Variants in SPOCK2 observed in about 807,000 individuals in gnomAD.
SPOCK2 encodes the protein testican-2.
A neutral mutation model predicts 60.1 loss-of-function variants in SPOCK2; 39 were observed. The observed-to-expected ratio is 0.65, with a 90% CI of 0.50 to 0.85. The LOEUF (loss-of-function observed/expected upper bound fraction) is 0.85. SPOCK2 is among the 40% of genes least tolerant of loss of function. SPOCK2 has a pLI of 0.00. For synonymous variants in SPOCK2, 217 were observed against 231.5 expected, an observed-to-expected ratio of 0.94 and a Z score of 0.57; for missense variants, 523 against 567.4, an observed-to-expected ratio of 0.92 and a Z score of 0.80.
rs745785470 is a variant in SPOCK2 at position 72,062,780 on chromosome 10, C to T, written c.1255G>A (p.Asp419Asn). 18 of 1,607,422 alleles carry T rather than the reference C, an allele frequency of 1.1e-5. No individual in the cohort carries two copies. The highest frequency in any genetic ancestry group is 6.7e-5 in the Admixed American group (4 of 59,534). ...GGCGTCTACCAGATGTAGCCCCCGT[C>T]GTCAGCCTCGCCTGCCTCGCCCTCC... Reference protein sequence around the residue: ...EEEGEAGEADDGGYIW With the variant: ...EEEGEAGEADNGGYIW The change falls in exon 11 of 11, where the codon GAC becomes AAC. Residue 419 changes from aspartate (D) to asparagine (N), a missense_variant. By Grantham distance (23) the Asp-to-Asn change is conservative (BLOSUM62 1). Transcript: ENST00000373109. This position sits in a 1 kb window ranked among gnomAD's most constrained non-coding sequence, Gnocchi z 4.3.
chr10:72,082,994 C>T (rs1840807144), intron 1 of SPOCK2, among the ~76,000 whole-genome samples: 1 of 151,932 alleles, frequency 6.6e-6, no homozygotes, highest in African/African-American at 2.4e-5. Flanking sequence ...GACTTCCTGG[C>T]CTCCAGAACT....
At chr10:72,086,479 A>G (rs986522103) in intron 1 of SPOCK2, 1 of 1,066,228 alleles carries the variant, frequency 9.4e-7, no homozygotes, top group African/African-American at 1.7e-5. Context: ...GGCAGATCAA[A>G]CAGCCAGCGA....
In SPOCK2 at chr10:72,088,385, C is replaced by T. The variant is rs747838309; in HGVS notation, c.-57G>A. ...ACTTCTGCAGTATTTTAATGTCCTT[C>T]CTCCCACCCCGCTGCTGGCGAAGCG... On this transcript the variant is annotated 5_prime_UTR_variant, in exon 1 of 11. Coordinates refer to ENST00000373109, the MANE Select transcript of SPOCK2 (RefSeq NM_001244950.2). 2 of 1,445,242 alleles carry T rather than the reference C, an allele frequency of 1.4e-6. No individual in the cohort carries two copies. The highest frequency in any genetic ancestry group is 1.8e-6 in the Non-Finnish European group (2 of 1,099,624). The allele number at this position is 1,445,242 out of a possible 1,614,324, so 89.5% of individuals were successfully genotyped here. A position where few individuals can be genotyped will look rare whatever the true frequency, so the allele number is the denominator to read the frequency against.
chr10:72,084,690 A>G (rs1337032971), intron 1 of SPOCK2, among the ~76,000 whole-genome samples: 1 of 152,220 alleles, frequency 6.6e-6, no homozygotes, highest in African/African-American at 2.4e-5. Flanking sequence ...CTTGGATTCA[A>G]ATCTCAGCTC....
Position 72,063,755 on chromosome 10 carries a change from G to T in SPOCK2, c.991+423C>A, listed in dbSNP as rs76303521. ...AGGGAGTGCATCCTTCTTGCCATCCGCTCAGAGTTGGGCTGGGTCTATTGC... is the reference window on the plus strand; with the variant it reads ...AGGGAGTGCATCCTTCTTGCCATCCTCTCAGAGTTGGGCTGGGTCTATTGC... On this transcript the variant is annotated intron_variant, in intron 9 of 10. Coordinates refer to ENST00000373109, the MANE Select transcript of SPOCK2 (RefSeq NM_001244950.2). Among the ~76,000 whole-genome samples the T allele has an allele frequency of 3.5e-3, 529 of 152,300 alleles. 18 individuals are homozygous for T. In the East Asian group the frequency reaches 0.09, roughly 26 times the overall value.
intron 5 of SPOCK2, 50 bp downstream of exon 5, chr10:72,070,262 T>C: frequency 1.3e-6 from 2 of 1,578,688 alleles, no homozygotes; most frequent in Non-Finnish European, 1.7e-6. Flanking sequence ...CTGCTTCCTG[T>C]GGCCTCAGGT....
chr10:72,082,971 C>T (rs1447673334), intron 1 of SPOCK2, among the ~76,000 whole-genome samples: 4 of 151,900 alleles, frequency 2.6e-5, no homozygotes, highest in Admixed American at 6.6e-5. Flanking sequence ...AGTCTGCCAG[C>T]GTCCTGATCT....
At chr10:72,074,094 T>C (rs937750940) in intron 1 of SPOCK2, among the ~76,000 whole-genome samples, 1 of 151,634 alleles carries the variant, frequency 6.6e-6, no homozygotes. Context: ...GGAGCAGAGA[T>C]GTGTAGGGGT....
Position 72,088,476 on chromosome 10 carries a change from G to A in SPOCK2, c.-148C>T. The A allele has an allele frequency of 1.1e-6, 1 of 904,716 alleles. No homozygotes were observed. The highest frequency in any genetic ancestry group is 1.6e-6 in the Non-Finnish European group (1 of 618,052). 56.0% of individuals were successfully genotyped at this position (904,716 alleles called of 1,614,324 possible). On this transcript the variant is annotated 5_prime_UTR_variant, in exon 1 of 11. Coordinates refer to ENST00000373109, the MANE Select transcript of SPOCK2 (RefSeq NM_001244950.2). ...GGTGACTGGCGGAGAGTGGGTCGCG[G>A]CTGAAATGTGACCTGGTTAGGAGAT... is the stretch of plus-strand genomic sequence containing the variant.
In SPOCK2 at chr10:72,087,087, C is replaced by T; in HGVS notation, c.189+1053G>A. The T allele has an allele frequency of 1.4e-6, 2 of 1,394,752 alleles. No homozygotes were observed. The highest frequency in any genetic ancestry group is 1.9e-6 in the Non-Finnish European group (2 of 1,036,424). The allele number at this position is 1,394,752 out of a possible 1,614,324, so 86.4% of individuals were successfully genotyped here. ...AGGTCGCCAGGAGCAGCCGGCGTCGCCTCTGGCGCATCCGGGCCCATCCCC... is the reference window on the plus strand; with the variant it reads ...AGGTCGCCAGGAGCAGCCGGCGTCGTCTCTGGCGCATCCGGGCCCATCCCC... On this transcript the variant is annotated intron_variant, in intron 1 of 10. Transcript: ENST00000373109. This position sits in a 1 kb window ranked among gnomAD's most constrained non-coding sequence, Gnocchi z 4.7.
chr10:72,067,972 C>T (rs2131812664), intron 6 of SPOCK2, among the ~76,000 whole-genome samples: 1 of 152,296 alleles, frequency 6.6e-6, no homozygotes, highest in South Asian at 2.1e-4. Flanking sequence ...CTCCCTCTGC[C>T]CACCTTCCAG....
At position 72,085,325 on chromosome 10, in the gene SPOCK2, T is replaced by C. The variant is rs571072271; in HGVS notation, c.189+2815A>G. ...TCCCTGGCAGCCGGGCACCCAGCAT[T>C]AGAAGAGATCGACCCAGGCACAGGC... is the stretch of plus-strand genomic sequence containing the variant. On this transcript the variant is annotated intron_variant, in intron 1 of 10. Transcript: ENST00000373109. Among the ~76,000 whole-genome samples, 26 of 152,202 alleles carry C rather than the reference T, an allele frequency of 1.7e-4. No individual in the cohort carries two copies. In the South Asian group the frequency reaches 3.3e-3, roughly 19 times the overall value.
In SPOCK2 at chr10:72,087,054, T is replaced by C. The variant is rs1840868178; in HGVS notation, c.189+1086A>G. On this transcript the variant is annotated intron_variant, in intron 1 of 10. Transcript: ENST00000373109. The surrounding 1 kb of genome is among the most constrained non-coding windows in gnomAD (Gnocchi z 4.7). Reference sequence around the variant, plus strand: ...AGGTTTTCTGGGGTCAGGGCCGCGGTGAGCACCAGGTCGCCAGGAGCAGCC... The same window carrying C: ...AGGTTTTCTGGGGTCAGGGCCGCGGCGAGCACCAGGTCGCCAGGAGCAGCC... 6.6e-7 allele frequency: 1 copy of C among 1,524,496 alleles called. No individual in the cohort carries two copies. 94.4% of individuals were successfully genotyped at this position (1,524,496 alleles called of 1,614,324 possible). A position where few individuals can be genotyped will look rare whatever the true frequency, so the allele number is the denominator to read the frequency against.
At chr10:72,086,577 C>T in intron 1 of SPOCK2, 4 of 1,150,938 alleles carry the variant, frequency 3.5e-6, no homozygotes, top group Non-Finnish European at 4.3e-6. Flanking sequence ...GGGCTGCTGC[C>T]CAGGAAGCGG....
At chr10:72,072,470 A>C in intron 3 of SPOCK2, 33 bp downstream of exon 3, 1 of 1,613,544 alleles carries the variant, frequency 6.2e-7, no homozygotes, top group South Asian at 1.1e-5. Context: ...CACACGTGTC[A>C]GTCACCTTCC....
intron 1 of SPOCK2, among the ~76,000 whole-genome samples, chr10:72,073,166 G>T (rs975235450): frequency 6.6e-6 from 1 of 152,100 alleles, no homozygotes; most frequent in Non-Finnish European, 1.5e-5. Flanking sequence ...TGAGAGGGTG[G>T]GGCACCCCCA....
At chr10:72,084,852 G>T (rs555203539) in intron 1 of SPOCK2, among the ~76,000 whole-genome samples, 6 of 152,234 alleles carry the variant, frequency 3.9e-5, no homozygotes, top group Admixed American at 3.9e-4. Flanking sequence ...GCTTTAATTT[G>T]ATTTAATTTA....
At chr10:72,070,728 C>T (rs1840636274) in intron 4 of SPOCK2, among the ~76,000 whole-genome samples, 1 of 152,120 alleles carries the variant, frequency 6.6e-6, no homozygotes, top group Non-Finnish European at 1.5e-5. Flanking sequence ...AAGGGGGTCA[C>T]ACTTCACTTA....
In SPOCK2 at chr10:72,066,907, C is replaced by G; in HGVS notation, c.923G>C (p.Arg308Thr). ...GGGAGGGGGGCTGCACTCACTCTCC[C>G]TCCAGAAGCAGAAGCACCACTCAGC... ...STAEWCFCFW[R>T]EKPPCLAELE... Residue 308 changes from arginine to threonine, a missense_variant, in exon 8 of 11, where the codon AGG (arginine) becomes ACG (threonine). Physicochemically the swap from Arg to Thr is moderately conservative, Grantham distance 71 (BLOSUM62 -1). Coordinates refer to ENST00000373109, the MANE Select transcript of SPOCK2 (RefSeq NM_001244950.2). 1 of 1,614,178 alleles carries G rather than the reference C, an allele frequency of 6.2e-7. No homozygotes were observed. The highest frequency in any genetic ancestry group is 8.5e-7 in the Non-Finnish European group (1 of 1,180,022).
Sources: allele counts gnomAD v4.1 joint callset (sites outside exome capture counted in the v4.1 genomes callset), GRCh38; gene constraint gnomAD v4.1.1; non-coding constraint Gnocchi (gnomAD v3.1); transcripts MANE v1.5; gene names NCBI Gene and HGNC (gene_info 2026-07-23, HGNC 2026-07-21).